Variants in NCKAP5 observed in about 807,000 individuals in gnomAD.
NCKAP5 encodes nck-associated protein 5.
NCKAP5 carries 92 observed loss-of-function variants against 167.0 expected under a neutral mutation model. The observed-to-expected ratio is 0.55, with a 90% CI of 0.47 to 0.66. The LOEUF (loss-of-function observed/expected upper bound fraction) is 0.66, where lower values mean the gene tolerates loss of function less well. NCKAP5 is among the 30% of genes least tolerant of loss of function. The pLI, the probability that NCKAP5 is intolerant of heterozygous loss-of-function variation, is 0.00. For synonymous variants in NCKAP5, 891 were observed against 877.4 expected, an observed-to-expected ratio of 1.02 and a Z score of -0.27; for missense variants, 2,378 against 2,315.0, an observed-to-expected ratio of 1.03 and a Z score of -0.56.
intron 3 of NCKAP5, among the ~76,000 whole-genome samples, chr2:133,361,918 T>A (rs1444707640): frequency 6.6e-6 from 1 of 152,186 alleles, no homozygotes; most frequent in African/African-American, 2.4e-5. Flanking sequence ...TTATTTTGAT[T>A]CTGCACTTAA....
chr2:132,911,412 G>A (rs907293985), intron 8 of NCKAP5, among the ~76,000 whole-genome samples: 1 of 152,030 alleles, frequency 6.6e-6, no homozygotes. Context: ...TGACTTTTTG[G>A]CAAATTTTAG....
intron 3 of NCKAP5, among the ~76,000 whole-genome samples, chr2:133,470,879 G>T (rs979958001): frequency 3.3e-5 from 5 of 152,344 alleles, no homozygotes; most frequent in Admixed American, 1.3e-4. Flanking sequence ...CTTGCGCATG[G>T]TGCGCGCACC....
At chr2:132,893,274 T>C (rs1692870285) in intron 8 of NCKAP5, among the ~76,000 whole-genome samples, 1 of 152,204 alleles carries the variant, frequency 6.6e-6, no homozygotes, top group South Asian at 2.1e-4. Flanking sequence ...AAGATGCTCA[T>C]AGCTTCTGAC....
At chr2:133,371,377 A>C (rs1685794937) in intron 3 of NCKAP5, among the ~76,000 whole-genome samples, 1 of 152,242 alleles carries the variant, frequency 6.6e-6, no homozygotes, top group Admixed American at 6.5e-5. Context: ...CTAGGCAAGA[A>C]GCACAATCAG....
chr2:133,178,194 C>T (rs183174056), intron 5 of NCKAP5, among the ~76,000 whole-genome samples: 4 of 152,180 alleles, frequency 2.6e-5, no homozygotes, highest in Admixed American at 1.3e-4. Flanking sequence ...CCAGGCAGAG[C>T]CGAAGGTTTA....
chr2:133,560,114 T>C (rs1468636591), intron 1 of NCKAP5, among the ~76,000 whole-genome samples: 1 of 152,206 alleles, frequency 6.6e-6, no homozygotes, highest in Non-Finnish European at 1.5e-5. Context: ...TAAAACCCAA[T>C]GCCAAGCTTT....
the NCKAP5 span, among the ~76,000 whole-genome samples, chr2:133,661,564 C>T: frequency 6.6e-6 from 1 of 152,218 alleles, no homozygotes; most frequent in Non-Finnish European, 1.5e-5. Context: ...AGGACACGCT[C>T]TCCAGTTCGC....
the NCKAP5 span, among the ~76,000 whole-genome samples, chr2:133,585,578 C>A: frequency 6.6e-6 from 1 of 152,218 alleles, no homozygotes; most frequent in Non-Finnish European, 1.5e-5. Flanking sequence ...ATGGATTATA[C>A]ACCACTTCCA....
intron 3 of NCKAP5, among the ~76,000 whole-genome samples, chr2:133,484,586 T>C (rs79551146): frequency 6.6e-6 from 1 of 152,140 alleles, no homozygotes; most frequent in East Asian, 1.9e-4. Flanking sequence ...AATTAAAAAG[T>C]TTTTGAGCAC....
chr2:133,576,354 T>C, the NCKAP5 span, among the ~76,000 whole-genome samples: 1 of 152,332 alleles, frequency 6.6e-6, no homozygotes, highest in Admixed American at 6.5e-5. Flanking sequence ...AAATAATATA[T>C]TACTGTGTAA....
intron 8 of NCKAP5, among the ~76,000 whole-genome samples, chr2:132,962,265 T>A (rs143284737): frequency 6.6e-6 from 1 of 152,206 alleles, no homozygotes; most frequent in Non-Finnish European, 1.5e-5. Context: ...GCACCAGGCA[T>A]CATTTTAAAA....
chr2:133,362,152 T>C (rs559479837), intron 3 of NCKAP5, among the ~76,000 whole-genome samples: 1 of 152,322 alleles, frequency 6.6e-6, no homozygotes, highest in Admixed American at 6.5e-5. Context: ...TTGAAGCCGA[T>C]GATGTAATGC....
intron 3 of NCKAP5, among the ~76,000 whole-genome samples, chr2:133,473,326 C>G (rs553895139): frequency 6.9e-6 from 1 of 144,276 alleles, no homozygotes; most frequent in African/African-American, 2.8e-5. Context: ...AGCGAGACTC[C>G]GTCTCAAAAA....
chr2:132,707,867 G>A (rs1021627329), intron 19 of NCKAP5, among the ~76,000 whole-genome samples: 1 of 152,154 alleles, frequency 6.6e-6, no homozygotes, highest in Non-Finnish European at 1.5e-5. Flanking sequence ...CTCAGCCACA[G>A]TAGGAACAGG....
chr2:133,673,241 T>C, the NCKAP5 span, among the ~76,000 whole-genome samples: 2 of 152,164 alleles, frequency 1.3e-5, no homozygotes, highest in African/African-American at 2.4e-5. Context: ...CCCACTTTTC[T>C]TTTTCTGCAA....
chr2:133,573,415 G>T (rs548478421), upstream of NCKAP5, among the ~76,000 whole-genome samples: 1 of 152,288 alleles, frequency 6.6e-6, no homozygotes, highest in African/African-American at 2.4e-5. Context: ...CCTTTGGCGA[G>T]GGGGCTGATA....
Position 133,328,042 on chromosome 2 carries a change from T to G in NCKAP5, c.70-24932A>C, listed in dbSNP as rs185656531. Among the ~76,000 whole-genome samples the G allele has an allele frequency of 1.6e-4, 24 of 152,246 alleles. No homozygotes were observed. In the East Asian group the frequency reaches 4.6e-3, roughly 29 times the overall value. On this transcript the variant is annotated intron_variant, in intron 3 of 19. Transcript: ENST00000409261. ...AAATACTCTCCACATCTTCAGAGCT[T>G]AATGATCATCACCCTGTTGTCTCTC... is the stretch of plus-strand genomic sequence containing the variant.
At chr2:132,804,938 G>A (rs1054093426) in intron 11 of NCKAP5, among the ~76,000 whole-genome samples, 2 of 151,794 alleles carry the variant, frequency 1.3e-5, no homozygotes, top group South Asian at 2.1e-4. Flanking sequence ...AGGGAGGGAC[G>A]TGATAACATC....
intron 7 of NCKAP5, among the ~76,000 whole-genome samples, chr2:132,990,614 C>T (rs1005048744): frequency 5.5e-4 from 84 of 151,978 alleles, no homozygotes; most frequent in Admixed American, 9.2e-4. Context: ...TCCATATCAT[C>T]ACAGGGTCCT....
Sources: allele counts gnomAD v4.1 joint callset (sites outside exome capture counted in the v4.1 genomes callset), GRCh38; gene constraint gnomAD v4.1.1; transcripts MANE v1.5; gene names NCBI Gene and HGNC (gene_info 2026-07-23, HGNC 2026-07-21).